The following NBEAL1 variants were observed in gnomAD, a reference collection of about 807,000 sequenced individuals.
NBEAL1 encodes neurobeachin like 1.
A neutral mutation model predicts 351.3 loss-of-function variants in NBEAL1; 273 were observed. That is an observed-to-expected ratio of 0.78 (90% CI 0.70 to 0.86). The LOEUF (loss-of-function observed/expected upper bound fraction) is 0.86, where lower values mean the gene tolerates loss of function less well. NBEAL1 is among the 40% of genes least tolerant of loss of function. The pLI, the probability that NBEAL1 is intolerant of heterozygous loss-of-function variation, is 0.00. For missense variants in NBEAL1, 2,961 were observed against 3,201.3 expected (o/e 0.92, Z 1.81); for synonymous variants, 1,050 against 1,086.4 (o/e 0.97, Z 0.66).
intron 10 of NBEAL1, among the ~76,000 whole-genome samples, chr2:203,093,121 A>G (rs1459853225): frequency 6.7e-6 from 1 of 150,176 alleles, no homozygotes; most frequent in Non-Finnish European, 1.5e-5. Flanking sequence ...AGTCCCAGCT[A>G]CTGGGGAGGC....
intron 31 of NBEAL1, among the ~76,000 whole-genome samples, chr2:203,139,623 C>A (rs935721003): frequency 8.8e-6 from 1 of 113,080 alleles, no homozygotes; most frequent in Non-Finnish European, 1.6e-5. Context: ...GGCTGGAGTG[C>A]GGTGGCTCTC....
At chr2:203,043,295 A>T (rs1234468542) in intron 3 of NBEAL1, among the ~76,000 whole-genome samples, 1 of 152,182 alleles carries the variant, frequency 6.6e-6, no homozygotes, top group African/African-American at 2.4e-5. Flanking sequence ...CCCCAGTTCC[A>T]TACCATTTCC....
intron 36 of NBEAL1, among the ~76,000 whole-genome samples, chr2:203,158,753 A>G (rs1447597548): frequency 1.4e-5 from 2 of 146,796 alleles, no homozygotes; most frequent in East Asian, 2.0e-4. Context: ...TTATCATCTG[A>G]TATCATTTCC....
At chr2:203,032,660 C>CTTTTTTTTTT (rs747309074) in intron 2 of NBEAL1, among the ~76,000 whole-genome samples, 1 of 70,170 alleles carries the variant, frequency 1.4e-5, no homozygotes, top group Non-Finnish European at 2.5e-5. Context: ...GAAATTGTAG[C>CTTTTTTTTTT]TTTTTTTTTT....
At chr2:203,127,061 G>A (rs2062954390) in intron 23 of NBEAL1, 135 bp downstream of exon 23, 6 of 613,158 alleles carry the variant, frequency 9.8e-6, no homozygotes, top group Non-Finnish European at 1.6e-5. Flanking sequence ...GGATACAGTG[G>A]AGGTTAAAAT....
In NBEAL1 at chr2:203,126,600, A is replaced by T. The variant is rs1224038663; in HGVS notation, c.3029A>T (p.Gln1010Leu). Residue 1010 changes from glutamine to leucine, a missense_variant, in exon 22 of 56, where the codon CAG (glutamine) becomes CTG (leucine). Physicochemically the swap from Gln to Leu is moderately radical, Grantham distance 113 (BLOSUM62 -2). Coordinates refer to ENST00000683969, the MANE Select transcript of NBEAL1 (RefSeq NM_001378026.1). ...LMDVNVLMAVQLLIEQVSLEK... is the reference protein window; with the variant it reads ...LMDVNVLMAVLLLIEQVSLEK... Reference sequence around the variant, plus strand: ...GATGTTAATGTGTTGATGGCAGTTCAGTTACTAATTGAACAAGTATCATTA... The same window carrying T: ...GATGTTAATGTGTTGATGGCAGTTCTGTTACTAATTGAACAAGTATCATTA... The T allele has an allele frequency of 4.6e-6, 7 of 1,516,186 alleles. No individual in the cohort carries two copies. Among genetic ancestry groups the T allele is most frequent in the Non-Finnish European group, 6.2e-6 (7 of 1,132,808 alleles). 93.9% of individuals were successfully genotyped at this position (1,516,186 alleles called of 1,614,324 possible). A position where few individuals can be genotyped will look rare whatever the true frequency, so the allele number is the denominator to read the frequency against.
intron 54 of NBEAL1, among the ~76,000 whole-genome samples, chr2:203,211,414 G>T (rs2065786664): frequency 6.6e-6 from 1 of 152,108 alleles, no homozygotes; most frequent in African/African-American, 2.4e-5. Flanking sequence ...GTCAAAGAGG[G>T]AGGAATGCTT....
chr2:203,087,342 C>T (rs1165962136), intron 10 of NBEAL1, among the ~76,000 whole-genome samples: 1 of 151,832 alleles, frequency 6.6e-6, no homozygotes, highest in Non-Finnish European at 1.5e-5. Context: ...TCACCTGCCT[C>T]GGCCTCCCAA....
chr2:203,041,509 G>T (rs896417564), intron 2 of NBEAL1, among the ~76,000 whole-genome samples: 7 of 152,162 alleles, frequency 4.6e-5, no homozygotes, highest in African/African-American at 7.2e-5. Flanking sequence ...AGTGGACAAG[G>T]TTACAGGGAT....
intron 15 of NBEAL1, among the ~76,000 whole-genome samples, chr2:203,110,767 C>CTTTT (rs71034215): frequency 2.8e-5 from 3 of 106,730 alleles, no homozygotes; most frequent in African/African-American, 3.7e-5. Flanking sequence ...TTTCTTTTTT[C>CTTTT]TTTTTTTTTT....
At chr2:203,146,260 G>A (rs548349770) in intron 33 of NBEAL1, among the ~76,000 whole-genome samples, 3 of 152,124 alleles carry the variant, frequency 2.0e-5, no homozygotes, top group South Asian at 2.1e-4. Context: ...AAAAACCTTC[G>A]TAAAGGGAAA....
At chr2:203,040,047 T>C in intron 2 of NBEAL1, 1 of 650,576 alleles carries the variant, frequency 1.5e-6, no homozygotes, top group Admixed American at 2.8e-5. Flanking sequence ...ATTGAGAATA[T>C]GTCATTTAAA....
At chr2:203,033,305 T>G (rs1458368718) in intron 2 of NBEAL1, among the ~76,000 whole-genome samples, 2 of 152,248 alleles carry the variant, frequency 1.3e-5, no homozygotes, top group African/African-American at 2.4e-5. Flanking sequence ...CAGCCAGTTG[T>G]ACCTTTTTAA....
chr2:203,114,144 G>A (rs2062637255), intron 17 of NBEAL1, among the ~76,000 whole-genome samples: 1 of 152,114 alleles, frequency 6.6e-6, no homozygotes, highest in African/African-American at 2.4e-5. Context: ...CTTATTATAA[G>A]GGGTTCTCTC....
Position 203,131,965 on chromosome 2 carries a change from G to A in NBEAL1, c.3565-8G>A, listed in dbSNP as rs768675985. On this transcript the variant is annotated splice_region_variant and splice_polypyrimidine_tract_variant and intron_variant, in intron 25 of 55. Transcript: ENST00000683969. Reference sequence around the variant, plus strand: ...CTATATTGAGAATATATTACTTGTCGTGACCAGATTATGGAACAAATGTTG... The same window carrying A: ...CTATATTGAGAATATATTACTTGTCATGACCAGATTATGGAACAAATGTTG... 72 of 1,518,622 alleles carry A rather than the reference G, an allele frequency of 4.7e-5. No individual in the cohort carries two copies. The highest frequency in any genetic ancestry group is 5.6e-5 in the Non-Finnish European group (63 of 1,132,184). The allele number at this position is 1,518,622 out of a possible 1,614,324, so 94.1% of individuals were successfully genotyped here.
intron 11 of NBEAL1, among the ~76,000 whole-genome samples, chr2:203,097,930 C>T (rs1398134949): frequency 1.3e-5 from 2 of 151,998 alleles, no homozygotes; most frequent in Non-Finnish European, 2.9e-5. Flanking sequence ...ATGCTGTCCA[C>T]CTGGTGGTGA....
chr2:203,057,566 CA>C, intron 6 of NBEAL1, 113 bp downstream of exon 6: 1 of 793,308 alleles, frequency 1.3e-6, no homozygotes, highest in Non-Finnish European at 1.9e-6. Context: ...ATAAGACCCA[CA>C]GATTTAACTC....
At chr2:203,145,457 A>G (rs2063485921) in intron 33 of NBEAL1, among the ~76,000 whole-genome samples, 1 of 152,208 alleles carries the variant, frequency 6.6e-6, no homozygotes, top group Non-Finnish European at 1.5e-5. Flanking sequence ...CATAATGTTT[A>G]TATTAGAAAA....
intron 14 of NBEAL1, among the ~76,000 whole-genome samples, chr2:203,108,405 T>G (rs983984463): frequency 5.9e-5 from 9 of 152,094 alleles, no homozygotes; most frequent in East Asian, 1.9e-4. Flanking sequence ...AGTTTTTTTT[T>G]TTTGTTTTTT....
Sources: gnomAD v4.1 joint callset for allele counts (sites outside exome capture counted in the v4.1 genomes callset) on GRCh38, gnomAD v4.1.1 for gene constraint, MANE v1.5 for transcripts, NCBI Gene and HGNC (gene_info 2026-07-23, HGNC 2026-07-21) for gene names.